MAN1A1: variants seen among roughly 807,000 people sequenced by gnomAD.
MAN1A1 encodes the protein mannosidase alpha class 1A member 1.
In MAN1A1, 29 loss-of-function variants were observed where a neutral mutation model predicts 70.8. That is an observed-to-expected ratio of 0.41 (90% CI 0.31 to 0.56). MAN1A1 has a LOEUF of 0.56. Among genes scored for constraint, MAN1A1 ranks in the 20% least tolerant of loss-of-function variants. The pLI, the probability that MAN1A1 is intolerant of heterozygous loss-of-function variation, is 0.29. For missense variants in MAN1A1, 747 were observed against 841.3 expected (o/e 0.89, Z 1.39); for synonymous variants, 349 against 330.1 (o/e 1.06, Z -0.62).
chr6:119,276,058 C>G (rs966947079), intron 5 of MAN1A1, among the ~76,000 whole-genome samples: 1 of 152,184 alleles, frequency 6.6e-6, no homozygotes, highest in Non-Finnish European at 1.5e-5. Flanking sequence ...TCCTTCTCTT[C>G]TTCTTCATTC....
intron 5 of MAN1A1, among the ~76,000 whole-genome samples, chr6:119,283,240 ATT>A (rs1465689266): frequency 6.6e-6 from 1 of 152,160 alleles, no homozygotes; most frequent in Admixed American, 6.5e-5. Flanking sequence ...CTAGTTGCTT[ATT>A]TATATTATCC....
rs71015031 is a variant in MAN1A1 at position 119,250,648 on chromosome 6, C to CTGTGTGTGTGTGTG, written c.898-2308_898-2295dup. On this transcript the variant is annotated intron_variant, in intron 5 of 12. Transcript: ENST00000368468. ...CAGACTCCTCTCTCTTGTTCTCTCT[C>CTGTGTGTGTGTGTG]TGTGTGTGTGTGTGTGTGTGTGTGT... Among the ~76,000 whole-genome samples the CTGTGTGTGTGTGTG allele has an allele frequency of 7.4e-5, 11 of 148,636 alleles. No individual in the cohort carries two copies. In the East Asian group the frequency reaches 2.0e-3, roughly 27 times the overall value.
At position 119,261,766 on chromosome 6, in the gene MAN1A1, A is replaced by G. The variant is rs1320342122; in HGVS notation, c.898-13412T>C. 2.6e-5 allele frequency among the ~76,000 whole-genome samples: 4 copies of G among 152,188 alleles called. No individual in the cohort carries two copies. In the East Asian group the frequency reaches 5.8e-4, roughly 22 times the overall value. On this transcript the variant is annotated intron_variant, in intron 5 of 12. Coordinates refer to ENST00000368468, the MANE Select transcript of MAN1A1 (RefSeq NM_005907.4). ...TTTTAGATAAAACTGACTTTACCCA[A>G]TATGATTTATGTACATTACATGTAT...
intron 6 of MAN1A1, among the ~76,000 whole-genome samples, chr6:119,235,186 A>T (rs895226951): frequency 2.0e-5 from 3 of 152,242 alleles, no homozygotes; most frequent in African/African-American, 4.8e-5. Context: ...GAGTGTTCAC[A>T]TGAAAGTGAG....
chr6:119,204,163 T>C (rs1020778037), intron 7 of MAN1A1, among the ~76,000 whole-genome samples: 1 of 152,116 alleles, frequency 6.6e-6, no homozygotes, highest in Non-Finnish European at 1.5e-5. Context: ...GAATGGTAAG[T>C]GGCTTTGGCA....
chr6:119,224,013 A>G (rs1434997357), intron 6 of MAN1A1, among the ~76,000 whole-genome samples: 3 of 152,238 alleles, frequency 2.0e-5, no homozygotes, highest in African/African-American at 7.2e-5. Flanking sequence ...AATTGCAGTT[A>G]TATTTTAAGA....
At chr6:119,329,712 CAGCCTTCTCATTGCCCCTTGT>C (rs1390494473) in intron 2 of MAN1A1, among the ~76,000 whole-genome samples, 2 of 152,198 alleles carry the variant, frequency 1.3e-5, no homozygotes, top group African/African-American at 4.8e-5. Context: ...TTTCTTTACT[CAGCCTTCTCATTGCCCCTTGT>C]CATCCTGCAG....
chr6:119,324,985 T>G (rs1358068250), intron 2 of MAN1A1, among the ~76,000 whole-genome samples: 1 of 152,156 alleles, frequency 6.6e-6, no homozygotes, highest in Non-Finnish European at 1.5e-5. Context: ...CTCCAGACAC[T>G]GGCAAATGTA....
chr6:119,312,722 C>T (rs953021083), intron 2 of MAN1A1, among the ~76,000 whole-genome samples: 2 of 152,100 alleles, frequency 1.3e-5, no homozygotes, highest in African/African-American at 4.8e-5. Context: ...CCCTTCTACC[C>T]CTTAGTTCTC....
At chr6:119,268,788 T>C (rs932549544) in intron 5 of MAN1A1, among the ~76,000 whole-genome samples, 1 of 152,136 alleles carries the variant, frequency 6.6e-6, no homozygotes, top group African/African-American at 2.4e-5. Flanking sequence ...GGTTTCATAA[T>C]GTTGCCCAGG....
At chr6:119,328,282 T>C (rs1288218474) in intron 2 of MAN1A1, among the ~76,000 whole-genome samples, 1 of 152,214 alleles carries the variant, frequency 6.6e-6, no homozygotes, top group Non-Finnish European at 1.5e-5. Context: ...ACTATTTCCT[T>C]AAGTAATCAA....
At chr6:119,299,824 T>C (rs773321426) in intron 4 of MAN1A1, among the ~76,000 whole-genome samples, 5 of 152,240 alleles carry the variant, frequency 3.3e-5, no homozygotes, top group Non-Finnish European at 7.3e-5. Context: ...TCTGTTACAG[T>C]AACATCTTGT....
chr6:119,342,806 GCACA>G (rs1203397431), intron 2 of MAN1A1, among the ~76,000 whole-genome samples: 2 of 152,148 alleles, frequency 1.3e-5, no homozygotes, highest in Non-Finnish European at 2.9e-5. Flanking sequence ...TATCAGAAGA[GCACA>G]CACATTTATA....
At chr6:119,207,386 G>C (rs1773895060) in intron 6 of MAN1A1, among the ~76,000 whole-genome samples, 1 of 152,176 alleles carries the variant, frequency 6.6e-6, no homozygotes, top group African/African-American at 2.4e-5. Flanking sequence ...CATTCAGTCT[G>C]CAGAATTAAT....
At chr6:119,350,220 C>T (rs988247954), upstream of MAN1A1, among the ~76,000 whole-genome samples, 3 of 152,160 alleles carry the variant, frequency 2.0e-5, no homozygotes, top group African/African-American at 4.8e-5. Flanking sequence ...AAGGCGGGGT[C>T]TGGCAGGGGG....
chr6:119,340,108 A>G (rs545462554), intron 2 of MAN1A1, among the ~76,000 whole-genome samples: 64 of 152,282 alleles, frequency 4.2e-4, no homozygotes, highest in African/African-American at 1.5e-3. Flanking sequence ...AAAACAAAAC[A>G]AAAACAGTAA....
chr6:119,277,344 A>T (rs1776093617), intron 5 of MAN1A1, among the ~76,000 whole-genome samples: 2 of 152,146 alleles, frequency 1.3e-5, no homozygotes, highest in African/African-American at 4.8e-5. Context: ...AAAAAAACTT[A>T]AAAAAATACA....
intron 4 of MAN1A1, among the ~76,000 whole-genome samples, chr6:119,296,955 C>T (rs762023762): frequency 1.3e-5 from 2 of 152,182 alleles, no homozygotes; most frequent in African/African-American, 2.4e-5. Context: ...TTTAACACAG[C>T]TTTAGCTTTT....
rs138577494 is a variant in MAN1A1, at chr6:119,333,139, A to G, written c.603+15324T>C. ...AAAACACTAGCAACACGGGTGATGC[A>G]TGAGATTTCAAATCAATCAAAGGCA... On this transcript the variant is annotated intron_variant, in intron 2 of 12. Transcript: ENST00000368468. Among the ~76,000 whole-genome samples, 4 of 152,346 alleles carry G rather than the reference A, an allele frequency of 2.6e-5. No homozygotes were observed. The East Asian group carries it at 7.7e-4, about 29-fold the overall frequency.
Sources: gnomAD v4.1 joint callset for allele counts (sites outside exome capture counted in the v4.1 genomes callset) on GRCh38, gnomAD v4.1.1 for gene constraint, MANE v1.5 for transcripts, NCBI Gene and HGNC (gene_info 2026-07-23, HGNC 2026-07-21) for gene names.